IL12RB1: variants seen among roughly 807,000 people sequenced by gnomAD.
The protein encoded by IL12RB1 is interleukin 12 receptor subunit beta 1.
Under a neutral mutation model 94.4 loss-of-function variants are expected in IL12RB1, and 64 were observed. The ratio of observed to expected loss-of-function variants is 0.68; its 90% confidence interval spans 0.55 to 0.83. The LOEUF is 0.83. IL12RB1 is among the 40% of genes least tolerant of loss of function. The pLI is 0.00. For missense variants in IL12RB1, 814 were observed against 855.6 expected, an observed-to-expected ratio of 0.95 and a Z score of 0.61; for synonymous variants, 362 against 355.5, an observed-to-expected ratio of 1.02 and a Z score of -0.21.
intron 9 of IL12RB1, among the ~76,000 whole-genome samples, chr19:18,070,009 G>A (rs1165419190): frequency 3.9e-5 from 6 of 151,976 alleles, no homozygotes; most frequent in Admixed American, 6.6e-5. Context: ...TCAGCCTCCC[G>A]GGTTCAAATG....
At chr19:18,081,953 C>A (rs1480503844) in intron 3 of IL12RB1, among the ~76,000 whole-genome samples, 197 bp downstream of exon 3, 1 of 152,100 alleles carries the variant, frequency 6.6e-6, no homozygotes, top group African/African-American at 2.4e-5. Context: ...CATGGCCACC[C>A]ACCCTGGGAT....
At chr19:18,094,271 G>A in intron 1 of IL12RB1, among the ~76,000 whole-genome samples, 1 of 152,180 alleles carries the variant, frequency 6.6e-6, no homozygotes, top group Non-Finnish European at 1.5e-5. Flanking sequence ...GGGGATTACA[G>A]GCGTGCCCCA....
rs528178962 is a variant in IL12RB1 at position 18,075,060 on chromosome 19, A to C, written c.700+689T>G. Reference sequence around the variant, plus strand: ...GAGTGAGACTCCGTCTCAAAAAAAAAAACAACAAAAAACAACAAACAAACA... The same window carrying C: ...GAGTGAGACTCCGTCTCAAAAAAAACAACAACAAAAAACAACAAACAAACA... On this transcript the variant is annotated intron_variant, in intron 7 of 16. Transcript: ENST00000593993. Among the ~76,000 whole-genome samples, 208 of 150,830 alleles carry C rather than the reference A, an allele frequency of 1.4e-3. 2 individuals carry two copies. The highest frequency in any genetic ancestry group is 2.6e-3 in the Admixed American group (40 of 15,156).
chr19:18,078,277 G>C (rs2146346924), intron 4 of IL12RB1, among the ~76,000 whole-genome samples: 1 of 152,076 alleles, frequency 6.6e-6, no homozygotes, highest in Middle Eastern at 3.4e-3. Flanking sequence ...CATGGTGGTG[G>C]GCACCTGTAA....
intron 1 of IL12RB1, among the ~76,000 whole-genome samples, chr19:18,093,611 C>T (rs1011962339): frequency 2.0e-5 from 3 of 152,120 alleles, no homozygotes; most frequent in Non-Finnish European, 4.4e-5. Flanking sequence ...CCAGTCAAAG[C>T]CCCAGGGAGG....
intron 9 of IL12RB1, chr19:18,070,941 T>C: frequency 6.3e-6 from 1 of 159,658 alleles, no homozygotes; most frequent in South Asian, 1.6e-4. Context: ...AGCTCAAAAA[T>C]AATAAAAATA....
At position 18,075,825 on chromosome 19, in the gene IL12RB1, G is replaced by A; in HGVS notation, c.624C>T (p.Phe208=). 1 of 1,612,986 alleles carries A rather than the reference G, an allele frequency of 6.2e-7. No individual in the cohort carries two copies. The highest frequency in any genetic ancestry group is 8.5e-7 in the Non-Finnish European group (1 of 1,178,968). The stretch of plus-strand genomic sequence containing the variant: ...TCCCCAGCTGCCGTCGTCGGAGCTG[G>A]AATTCCTGGGCCACATTCATCTCCA... ...CPLEMNVAQE[F]QLRRRQLGSQ... Residue 208 remains phenylalanine (F), a synonymous_variant, in exon 7 of 17, where the codon TTC becomes TTT. Coordinates refer to ENST00000593993, the MANE Select transcript of IL12RB1 (RefSeq NM_005535.3).
At chr19:18,073,368 A>AC (rs1183502671) in intron 8 of IL12RB1, 149 bp downstream of exon 8, 9 of 678,828 alleles carry the variant, frequency 1.3e-5, no homozygotes, top group Non-Finnish European at 2.2e-5. Flanking sequence ...GCTCCCTATT[A>AC]CCTTCAGAGT....
At chr19:18,090,153 G>A (rs75296433), upstream of IL12RB1, among the ~76,000 whole-genome samples, 1,397 of 152,296 alleles carry the variant, frequency 9.2e-3, 13 homozygotes, top group Non-Finnish European at 0.014. Context: ...TGTAGGCTAG[G>A]AGTTCAAGAG....
chr19:18,069,989 C>G (rs1433498067), intron 9 of IL12RB1, among the ~76,000 whole-genome samples: 1 of 152,076 alleles, frequency 6.6e-6, no homozygotes, highest in Non-Finnish European at 1.5e-5. Context: ...GATCTCGGCT[C>G]CCTGCAACCT....
chr19:18,076,091 C>T lies in IL12RB1; in HGVS notation c.580+206G>A, dbSNP rs17879259. On this transcript the variant is annotated intron_variant, in intron 6 of 16. Coordinates refer to ENST00000593993, the MANE Select transcript of IL12RB1 (RefSeq NM_005535.3). ...CAAGTCCTGGCTGCGGCCATCCCTTCGGTCGTGACCTTGGCCAAAGGCTTC... is the reference window on the plus strand; with the variant it reads ...CAAGTCCTGGCTGCGGCCATCCCTTTGGTCGTGACCTTGGCCAAAGGCTTC... Among the ~76,000 whole-genome samples, 195 of 152,234 alleles carry T rather than the reference C, an allele frequency of 1.3e-3. 2 individuals are homozygous for T. The highest frequency in any genetic ancestry group is 4.4e-3 in the African/African-American group (184 of 41,544).
rs371204303 is a variant in IL12RB1, at chr19:18,097,787, C to T, written c.-230+968G>A. Reference sequence around the variant, plus strand: ...GGGCGGGCCTGGCGGCGCGGACTCCCGGGCCATGGACGAGTCGAGCCTCCT... The same window carrying T: ...GGGCGGGCCTGGCGGCGCGGACTCCTGGGCCATGGACGAGTCGAGCCTCCT... On this transcript the variant is annotated intron_variant, in intron 1 of 4. Transcript: ENST00000594176. 233 of 1,219,236 alleles carry T rather than the reference C, an allele frequency of 1.9e-4. 2 individuals are homozygous for T. In the East Asian group the frequency reaches 6.6e-3, roughly 35 times the overall value. The allele number at this position is 1,219,236 out of a possible 1,614,324, so 75.5% of individuals were successfully genotyped here. A position where few individuals can be genotyped will look rare whatever the true frequency, so the allele number is the denominator to read the frequency against.
At chr19:18,075,719 C>G (rs1315292337) in intron 7 of IL12RB1, 30 bp downstream of exon 7, 4 of 1,598,384 alleles carry the variant, frequency 2.5e-6, no homozygotes, top group Non-Finnish European at 3.4e-6. Context: ...CTAATGCTTG[C>G]CCCTGTTCCT....
In IL12RB1 at chr19:18,079,697, CAGG is replaced by C. The variant is rs1218599252; in HGVS notation, c.409+1132_409+1134del. Among the ~76,000 whole-genome samples, 7 of 151,954 alleles carry C rather than the reference CAGG, an allele frequency of 4.6e-5. No individual in the cohort carries two copies. In the South Asian group the frequency reaches 1.2e-3, roughly 27 times the overall value. Reference sequence around the variant, plus strand: ...GGCTGAGGCGGGTGGATCATGAGGTCAGGAGATCGAGACCACGGTGAAACCCCG... The same window carrying C: ...GGCTGAGGCGGGTGGATCATGAGGTCAGATCGAGACCACGGTGAAACCCCG... On this transcript the variant is annotated intron_variant, in intron 4 of 16. Transcript: ENST00000593993.
chr19:18,064,900 G>A (rs1402720081), intron 12 of IL12RB1, among the ~76,000 whole-genome samples: 1 of 152,068 alleles, frequency 6.6e-6, no homozygotes, highest in Non-Finnish European at 1.5e-5. Context: ...CATAAGACAC[G>A]CCCACCAGTG....
chr19:18,065,906 G>C (rs1402864075), intron 12 of IL12RB1, among the ~76,000 whole-genome samples: 4 of 151,854 alleles, frequency 2.6e-5, no homozygotes, highest in Admixed American at 2.6e-4. Flanking sequence ...GTGCATGGTG[G>C]TGTGCACCTG....
intron 1 of IL12RB1, among the ~76,000 whole-genome samples, chr19:18,086,013 C>G (rs1023960512): frequency 2.6e-5 from 4 of 151,764 alleles, no homozygotes; most frequent in Non-Finnish European, 5.9e-5. Flanking sequence ...CCCAGGAGTT[C>G]GAGACCAGCC....
chr19:18,087,146 C>A, upstream of IL12RB1: 1 of 441,836 alleles, frequency 2.3e-6, no homozygotes, highest in East Asian at 4.6e-5. Context: ...GATGCCAGCC[C>A]CATGGGCCCA....
intron 1 of IL12RB1, among the ~76,000 whole-genome samples, chr19:18,084,683 ATCCATCCATC>A (rs2036206432): frequency 3.3e-5 from 5 of 152,000 alleles, no homozygotes; most frequent in Non-Finnish European, 5.9e-5. Context: ...CCATCCATCC[ATCCATCCATC>A]CATCCATACA....
Sources: allele counts gnomAD v4.1 joint callset (sites outside exome capture counted in the v4.1 genomes callset), GRCh38; gene constraint gnomAD v4.1.1; transcripts MANE v1.5; gene names NCBI Gene and HGNC (gene_info 2026-07-23, HGNC 2026-07-21).